Variants in BCR observed in about 807,000 individuals in gnomAD.
BCR encodes breakpoint cluster region protein.
A neutral mutation model predicts 138.6 loss-of-function variants in BCR; 58 were observed. The ratio of observed to expected loss-of-function variants is 0.42; its 90% CI spans 0.34 to 0.52. The LOEUF (loss-of-function observed/expected upper bound fraction) is 0.52, where lower values mean the gene tolerates loss of function less well. Ranked by LOEUF, BCR falls within the 20% of genes least tolerant of loss-of-function variation. The pLI is 0.06. For synonymous variants in BCR, 786 were observed against 730.1 expected (o/e 1.08, Z -1.23); for missense variants, 1,599 against 1,727.2 (o/e 0.93, Z 1.32).
At chr22:23,252,236 C>T (rs1401126903) in intron 1 of BCR, among the ~76,000 whole-genome samples, 1 of 151,978 alleles carries the variant, frequency 6.6e-6, no homozygotes, top group African/African-American at 2.4e-5. Context: ...AGCCCCAGTT[C>T]CCTGGGCTGG....
rs2073801042 is a variant in BCR, at chr22:23,292,615, A to G, written c.2857A>G (p.Thr953Ala). 4 of 1,612,618 alleles carry G rather than the reference A, an allele frequency of 2.5e-6. No homozygotes were observed. The Admixed American group carries it at 6.7e-5, about 27-fold the overall frequency. The change falls in exon 15 of 23, where the codon ACA (threonine) becomes GCA (alanine). Residue 953 changes from threonine to alanine, a missense_variant. Thr to Ala is a moderately conservative substitution (Grantham distance 58). Transcript: ENST00000305877. ...NKAKTRVYRD[T>A]AEPNWNEEFE... ...AGCAAAGACGCGCGTCTACAGGGAC[A>G]CAGCTGAGCCAAACTGGAACGAGGT...
At chr22:23,182,590 G>A (rs2072285445) in intron 1 of BCR, among the ~76,000 whole-genome samples, 1 of 152,212 alleles carries the variant, frequency 6.6e-6, no homozygotes, top group Non-Finnish European at 1.5e-5. Flanking sequence ...TCCATGCCGG[G>A]CAGTGAGGAT....
At chr22:23,245,197 A>C (rs976839281) in intron 1 of BCR, among the ~76,000 whole-genome samples, 1 of 152,128 alleles carries the variant, frequency 6.6e-6, no homozygotes, top group Non-Finnish European at 1.5e-5. Context: ...CAGAGTTGTA[A>C]ATACCTGTTT....
At chr22:23,262,715 CCGGGTGAGGGCGGGGG>C (rs1663953855) in intron 4 of BCR, 3 of 354,868 alleles carry the variant, frequency 8.5e-6, no homozygotes, top group Non-Finnish European at 1.1e-5. Flanking sequence ...GAGGGCGGGC[CCGGGTGAGGGCGGGGG>C]CGGAGAGGCG....
chr22:23,267,936 C>T (rs566446526), intron 4 of BCR, among the ~76,000 whole-genome samples: 2 of 152,362 alleles, frequency 1.3e-5, no homozygotes, highest in South Asian at 2.1e-4. Flanking sequence ...TCTGCAAAGA[C>T]GGCCGGACTT....
intron 2 of BCR, among the ~76,000 whole-genome samples, chr22:23,257,955 T>C (rs545195519): frequency 6.6e-6 from 1 of 152,270 alleles, no homozygotes; most frequent in East Asian, 1.9e-4. Context: ...ACCTGGGTGT[T>C]CTGGGCACTG....
rs1331683748 is a variant in BCR at position 23,253,889 on chromosome 22, A to G, written c.1370A>G (p.Asp457Gly). 2 of 1,613,064 alleles carry G rather than the reference A, an allele frequency of 1.2e-6. No homozygotes were observed. Among genetic ancestry groups the G allele is most frequent in the Non-Finnish European group, 1.7e-6 (2 of 1,179,962 alleles). ...RRHQDGLPYI[D>G]DSPSSSPHLS... The stretch of plus-strand genomic sequence containing the variant: ...CACCAAGATGGGCTGCCCTACATTG[A>G]TGACTCGCCCTCCTCATCGCCCCAC... Residue 457 changes from aspartate to glycine, a missense_variant, in exon 2 of 23, where the codon GAT (aspartate) becomes GGT (glycine). Coordinates refer to ENST00000305877, the MANE Select transcript of BCR (RefSeq NM_004327.4).
intron 1 of BCR, among the ~76,000 whole-genome samples, chr22:23,252,054 G>A (rs1173307163): frequency 1.3e-5 from 2 of 152,200 alleles, no homozygotes; most frequent in South Asian, 2.1e-4. Context: ...GAATTACTCT[G>A]TATAACCAGA....
At chr22:23,201,953 A>G (rs760672100) in intron 1 of BCR, among the ~76,000 whole-genome samples, 22 of 152,220 alleles carry the variant, frequency 1.4e-4, no homozygotes, top group South Asian at 4.1e-4. Context: ...AACTTTTGAG[A>G]TAATTATGTG....
At chr22:23,245,784 G>C (rs1468090182) in intron 1 of BCR, among the ~76,000 whole-genome samples, 1 of 151,566 alleles carries the variant, frequency 6.6e-6, no homozygotes. Context: ...CCCTGCTTAG[G>C]AGAGGAAAAC....
At chr22:23,276,904 G>A (rs1421704935) in intron 8 of BCR, among the ~76,000 whole-genome samples, 1 of 152,254 alleles carries the variant, frequency 6.6e-6, no homozygotes, top group Admixed American at 6.5e-5. Flanking sequence ...CGTGCTCTCT[G>A]AGGGCAATGA....
At chr22:23,207,036 A>G (rs1183384420) in intron 1 of BCR, among the ~76,000 whole-genome samples, 1 of 146,804 alleles carries the variant, frequency 6.8e-6, no homozygotes, top group African/African-American at 2.5e-5. Context: ...ACATTGAACT[A>G]TCCATTATTC....
chr22:23,263,186 CG>C, intron 4 of BCR: 1 of 872,162 alleles, frequency 1.1e-6, no homozygotes, highest in South Asian at 1.7e-5. Flanking sequence ...GGGAGTCAGC[CG>C]CCTGCCCGGC....
At chr22:23,226,015 G>C (rs975473650) in intron 1 of BCR, among the ~76,000 whole-genome samples, 2 of 152,234 alleles carry the variant, frequency 1.3e-5, no homozygotes, top group Non-Finnish European at 2.9e-5. Flanking sequence ...ACCCTCCTGT[G>C]CCCACATCCG....
intron 1 of BCR, among the ~76,000 whole-genome samples, chr22:23,231,941 G>A (rs972144966): frequency 6.6e-6 from 1 of 152,188 alleles, no homozygotes; most frequent in African/African-American, 2.4e-5. Context: ...TGTCTTGCCT[G>A]CCTGTTAACT....
intron 12 of BCR, among the ~76,000 whole-genome samples, chr22:23,288,428 C>T (rs575196920): frequency 2.0e-5 from 3 of 149,838 alleles, no homozygotes; most frequent in African/African-American, 7.4e-5. Context: ...CCCTGTGAAT[C>T]CCCCTTCCCC....
chr22:23,306,461 G>A (rs1306986741), intron 16 of BCR, among the ~76,000 whole-genome samples: 1 of 152,248 alleles, frequency 6.6e-6, no homozygotes, highest in Non-Finnish European at 1.5e-5. Flanking sequence ...ATTGCTTCCA[G>A]CACAAGGCAG....
chr22:23,205,696 T>C (rs969112734), intron 1 of BCR, among the ~76,000 whole-genome samples: 11 of 152,056 alleles, frequency 7.2e-5, no homozygotes, highest in Admixed American at 5.2e-4. Context: ...GGCTGAACTT[T>C]CCTTAAATGA....
chr22:23,230,537 GT>G (rs1326591051), intron 1 of BCR, among the ~76,000 whole-genome samples: 1 of 152,180 alleles, frequency 6.6e-6, no homozygotes, highest in Admixed American at 6.5e-5. Context: ...CCTGGTGTTT[GT>G]TTTTTCCAGG....
Sources: allele counts gnomAD v4.1 joint callset (sites outside exome capture counted in the v4.1 genomes callset), GRCh38; gene constraint gnomAD v4.1.1; transcripts MANE v1.5; gene names NCBI Gene and HGNC (gene_info 2026-07-23, HGNC 2026-07-21).